SOS1: variants seen among roughly 807,000 people sequenced by gnomAD.
SOS1 encodes son of sevenless homolog 1.
Under a neutral mutation model 157.6 loss-of-function variants are expected in SOS1, and 25 were observed. The observed-to-expected ratio is 0.16, with a 90% CI of 0.12 to 0.22. The LOEUF (loss-of-function observed/expected upper bound fraction) is 0.22. SOS1 is among the 10% of genes least tolerant of loss of function. The pLI, the probability that SOS1 is intolerant of heterozygous loss-of-function variation, is 1.00. For missense variants in SOS1, 1,237 were observed against 1,599.1 expected, an observed-to-expected ratio of 0.77 and a Z score of 3.86; for synonymous variants, 528 against 534.0, an observed-to-expected ratio of 0.99 and a Z score of 0.16.
chr2:39,114,102 C>A (rs1458506601), intron 1 of SOS1, among the ~76,000 whole-genome samples: 1 of 151,762 alleles, frequency 6.6e-6, no homozygotes, highest in Non-Finnish European at 1.5e-5. Flanking sequence ...ATTTTTGTTT[C>A]TTTCTTTTTC....
chr2:39,084,047 T>C (rs983793182), intron 1 of SOS1, among the ~76,000 whole-genome samples: 1 of 152,040 alleles, frequency 6.6e-6, no homozygotes, highest in Non-Finnish European at 1.5e-5. Context: ...ACAGACCACG[T>C]GAAGAAACAG....
intron 15 of SOS1, among the ~76,000 whole-genome samples, chr2:39,007,706 A>G (rs1245057388): frequency 6.6e-6 from 1 of 152,208 alleles, no homozygotes; most frequent in African/African-American, 2.4e-5. Flanking sequence ...AAAAACTGCA[A>G]TTACTTTTGC....
At chr2:39,080,031 T>A (rs549420673) in intron 1 of SOS1, among the ~76,000 whole-genome samples, 1 of 151,930 alleles carries the variant, frequency 6.6e-6, no homozygotes, top group Non-Finnish European at 1.5e-5. Flanking sequence ...GTGGGGAGGA[T>A]GGTTTCGGGA....
intron 1 of SOS1, among the ~76,000 whole-genome samples, chr2:39,112,461 C>CTTTTG (rs1394984087): frequency 3.3e-5 from 5 of 152,094 alleles, no homozygotes; most frequent in Admixed American, 6.6e-5. Flanking sequence ...CCATGCCAGG[C>CTTTTG]TTTTGTTTTG....
At chr2:39,116,166 G>A (rs981427973) in intron 1 of SOS1, among the ~76,000 whole-genome samples, 1 of 104,146 alleles carries the variant, frequency 9.6e-6, no homozygotes, top group Non-Finnish European at 1.9e-5. Context: ...GCCAGTTGGA[G>A]AAGTTCACTT....
chr2:39,117,948 G>C (rs1424020175), intron 1 of SOS1, among the ~76,000 whole-genome samples: 1 of 152,202 alleles, frequency 6.6e-6, no homozygotes, highest in African/African-American at 2.4e-5. Context: ...GATAGTTTTA[G>C]TTTGTATATC....
At chr2:39,006,819 A>G (rs904128885) in intron 16 of SOS1, among the ~76,000 whole-genome samples, 1 of 152,224 alleles carries the variant, frequency 6.6e-6, no homozygotes, top group African/African-American at 2.4e-5. Context: ...TTTTTCTTCT[A>G]GCTTAGGCTG....
At chr2:39,048,878 CTT>C (rs1373475624) in intron 6 of SOS1, among the ~76,000 whole-genome samples, 1 of 152,134 alleles carries the variant, frequency 6.6e-6, no homozygotes, top group East Asian at 1.9e-4. Context: ...CTCCATCACT[CTT>C]TGTCTGGAAC....
intron 2 of SOS1, among the ~76,000 whole-genome samples, chr2:39,062,595 G>A (rs368822081): frequency 7.1e-6 from 1 of 141,204 alleles, no homozygotes. Flanking sequence ...AGATAAAGAA[G>A]TTAAAAAAAA....
At chr2:39,019,020 A>G (rs1231642192) in intron 10 of SOS1, among the ~76,000 whole-genome samples, 1 of 151,844 alleles carries the variant, frequency 6.6e-6, no homozygotes, top group Non-Finnish European at 1.5e-5. Flanking sequence ...GAGCTTATAT[A>G]GGACACAAAC....
At chr2:39,032,075 A>G (rs1029487765) in intron 8 of SOS1, among the ~76,000 whole-genome samples, 2 of 152,224 alleles carry the variant, frequency 1.3e-5, no homozygotes, top group African/African-American at 2.4e-5. Context: ...ATAGATGTAT[A>G]TAATCTGGAA....
At chr2:39,118,179 G>A (rs904086845) in intron 1 of SOS1, among the ~76,000 whole-genome samples, 1 of 152,228 alleles carries the variant, frequency 6.6e-6, no homozygotes, top group African/African-American at 2.4e-5. Flanking sequence ...AGTTCAGGTT[G>A]AGTGAGTCTA....
chr2:38,991,136 A>G (rs1668719993), intron 20 of SOS1, among the ~76,000 whole-genome samples: 1 of 151,962 alleles, frequency 6.6e-6, no homozygotes, highest in Non-Finnish European at 1.5e-5. Context: ...AACAGATGAT[A>G]CTATACAGTC....
intron 10 of SOS1, among the ~76,000 whole-genome samples, chr2:39,022,039 A>T (rs941697447): frequency 6.6e-6 from 1 of 151,810 alleles, no homozygotes; most frequent in African/African-American, 2.4e-5. Context: ...TACACTGACT[A>T]TAGACATTTC....
At chr2:39,047,894 C>G (rs748073405) in intron 6 of SOS1, among the ~76,000 whole-genome samples, 1 of 152,228 alleles carries the variant, frequency 6.6e-6, no homozygotes, top group Non-Finnish European at 1.5e-5. Context: ...TCTCAAACTC[C>G]TGACCTCAAG....
intron 1 of SOS1, among the ~76,000 whole-genome samples, chr2:39,111,355 G>A (rs574905363): frequency 2.6e-5 from 4 of 152,312 alleles, no homozygotes; most frequent in African/African-American, 9.6e-5. Flanking sequence ...GGGTATACGA[G>A]TGTTTACTGT....
chr2:39,077,331 A>G (rs1381107054), intron 1 of SOS1, among the ~76,000 whole-genome samples: 1 of 152,036 alleles, frequency 6.6e-6, no homozygotes, highest in Non-Finnish European at 1.5e-5. Context: ...AAAAAAAAAA[A>G]AAAGAAAGAA....
intron 20 of SOS1, chr2:38,992,864 G>C (rs1384597029): frequency 6.6e-6 from 1 of 152,126 alleles, no homozygotes; most frequent in Non-Finnish European, 1.5e-5. Context: ...TGGCAAGCTG[G>C]GGAGAATAAA....
rs780819928 is a variant in SOS1, at chr2:39,054,773, A to T, written c.561T>A (p.Ser187=). ...HQDVEDINIL[S]LTDEEPSTSG... is the part of the protein sequence containing the mutation. ...AGGTGGAAGGCTCTTCGTCAGTTAAAGATAATATATTAATATCTTCTACAT... is the reference window on the plus strand; with the variant it reads ...AGGTGGAAGGCTCTTCGTCAGTTAATGATAATATATTAATATCTTCTACAT... The change falls in exon 5 of 23, where the codon TCT becomes TCA. Residue 187 remains serine (S), a synonymous_variant. Transcript: ENST00000402219. The T allele has an allele frequency of 6.3e-7, 1 of 1,577,834 alleles. No homozygotes were observed. Among genetic ancestry groups the T allele is most frequent in the Non-Finnish European group, 8.7e-7 (1 of 1,147,200 alleles).
Sources: gnomAD v4.1 joint callset for allele counts (sites outside exome capture counted in the v4.1 genomes callset) on GRCh38, gnomAD v4.1.1 for gene constraint, MANE v1.5 for transcripts, NCBI Gene and HGNC (gene_info 2026-07-23, HGNC 2026-07-21) for gene names.